Variants in EXPH5 observed in about 807,000 individuals in gnomAD.
EXPH5 encodes the protein exophilin 5.
A neutral mutation model predicts 41.1 loss-of-function variants in EXPH5; 42 were observed. That is an observed-to-expected ratio of 1.02 (90% confidence interval 0.80 to 1.32). The LOEUF (loss-of-function observed/expected upper bound fraction) is 1.32, where lower values mean the gene tolerates loss of function less well. EXPH5 is among the 40% of genes most tolerant of loss of function. EXPH5 has a pLI of 0.00. For synonymous variants in EXPH5, 798 were observed against 833.5 expected (o/e 0.96, Z 0.73); for missense variants, 2,298 against 2,314.5 (o/e 0.99, Z 0.15).
At chr11:108,605,419 C>T in the EXPH5 span, among the ~76,000 whole-genome samples, 19 of 152,280 alleles carry the variant, frequency 1.2e-4, no homozygotes, top group African/African-American at 4.3e-4. Flanking sequence ...TTGTTCTCAA[C>T]TGAAGCTGAT....
chr11:108,539,808 T>A (rs1456361482), intron 2 of EXPH5, among the ~76,000 whole-genome samples: 1 of 152,194 alleles, frequency 6.6e-6, no homozygotes, highest in Admixed American at 6.5e-5. Flanking sequence ...AAAATGCTCA[T>A]TGAAGCCTTT....
At chr11:108,552,670 C>G (rs767004671) in intron 1 of EXPH5, among the ~76,000 whole-genome samples, 21 of 152,154 alleles carry the variant, frequency 1.4e-4, no homozygotes, top group Non-Finnish European at 2.6e-4. Context: ...AATCCCAGAG[C>G]CTTTGGGAGG....
chr11:108,510,949 C>G lies in EXPH5; in HGVS notation c.4558G>C (p.Gly1520Arg), dbSNP rs748672486. The change falls in exon 6 of 6, where the codon GGT becomes CGT. Residue 1520 changes from glycine to arginine, a missense_variant. Transcript: ENST00000265843. ...GGTTCATCTGACTGAGTCTCCTCAC[C>G]AAGCTGTAGTTTATGCAATGCTGGA... ...LTPALHKLQLGEETQSDEPNL... is the reference protein window; with the variant it reads ...LTPALHKLQLREETQSDEPNL... The G allele has an allele frequency of 3.8e-5, 62 of 1,613,902 alleles. No individual in the cohort carries two copies. In the Admixed American group the frequency reaches 1.0e-3, roughly 27 times the overall value.
In EXPH5 at chr11:108,509,722, G is replaced by C. The variant is rs114567088; in HGVS notation, c.5785C>G (p.Pro1929Ala). The C allele has an allele frequency of 3.2e-4, 508 of 1,608,990 alleles. No individual in the cohort carries two copies. Among genetic ancestry groups the C allele is most frequent in the Middle Eastern group, 8.3e-4 (5 of 6,022 alleles). The change falls in exon 6 of 6, where the codon CCT becomes GCT. Residue 1929 changes from proline (P) to alanine (A), a missense_variant. Coordinates refer to ENST00000265843, the MANE Select transcript of EXPH5 (RefSeq NM_015065.3). ...CTTAATGACTCTGAGGGGTTGGGAG[G>C]GTTCCTCAAATCATCTTTTAGGAAG... ...PGFLKDDLRN[P>A]PNPSESLSSN...
the EXPH5 span, among the ~76,000 whole-genome samples, chr11:108,599,103 C>T: frequency 6.6e-6 from 1 of 152,204 alleles, no homozygotes. Context: ...TTCCTCCTCA[C>T]ACCTGGCTGG....
At chr11:108,556,111 A>G (rs112879896) in intron 1 of EXPH5, among the ~76,000 whole-genome samples, 7 of 152,322 alleles carry the variant, frequency 4.6e-5, no homozygotes, top group African/African-American at 1.7e-4. Flanking sequence ...CTGGCAGAAC[A>G]ATGGGTTTTT....
chr11:108,524,112 G>A (rs985843160), intron 4 of EXPH5, among the ~76,000 whole-genome samples: 1 of 151,222 alleles, frequency 6.6e-6, no homozygotes, highest in Non-Finnish European at 1.5e-5. Flanking sequence ...TGTAATATTA[G>A]GACTCAGAAA....
chr11:108,546,279 C>A (rs2093937822), intron 1 of EXPH5, among the ~76,000 whole-genome samples: 1 of 151,970 alleles, frequency 6.6e-6, no homozygotes, highest in Admixed American at 6.6e-5. Flanking sequence ...AGGGATAAGA[C>A]CCGTTGGATT....
chr11:108,574,021 C>G (rs1184214534), intron 1 of EXPH5, among the ~76,000 whole-genome samples: 1 of 151,990 alleles, frequency 6.6e-6, no homozygotes, highest in Non-Finnish European at 1.5e-5. Flanking sequence ...CCTGCCTCAG[C>G]CTCTGGAGTA....
intron 3 of EXPH5, among the ~76,000 whole-genome samples, chr11:108,533,181 T>C (rs866665036): frequency 1.3e-5 from 2 of 151,622 alleles, no homozygotes; most frequent in East Asian, 1.9e-4. Context: ...CCACATTCAT[T>C]TGTTAGGTTC....
At chr11:108,569,215 A>T (rs2094048666) in intron 1 of EXPH5, among the ~76,000 whole-genome samples, 2 of 152,078 alleles carry the variant, frequency 1.3e-5, no homozygotes, top group African/African-American at 4.8e-5. Flanking sequence ...CAGTTCAGGC[A>T]CCACCACCTC....
At chr11:108,517,845 G>A (rs532270935) in intron 5 of EXPH5, among the ~76,000 whole-genome samples, 6 of 151,672 alleles carry the variant, frequency 4.0e-5, no homozygotes, top group East Asian at 3.9e-4. Flanking sequence ...TGCAACCTCC[G>A]CCTCCCAGGT....
At chr11:108,596,674 A>C (rs2094139248), upstream of EXPH5, among the ~76,000 whole-genome samples, 1 of 152,224 alleles carries the variant, frequency 6.6e-6, no homozygotes, top group South Asian at 2.1e-4. Flanking sequence ...TAGCAAAGGA[A>C]GGATGAGGAG....
intron 1 of EXPH5, among the ~76,000 whole-genome samples, chr11:108,545,752 A>T (rs1171740687): frequency 6.6e-6 from 1 of 152,082 alleles, no homozygotes; most frequent in Non-Finnish European, 1.5e-5. Flanking sequence ...AAAATTTTAA[A>T]ATTAGCCAGG....
upstream of EXPH5, among the ~76,000 whole-genome samples, chr11:108,598,754 C>T (rs556400326): frequency 3.9e-5 from 6 of 152,028 alleles, no homozygotes; most frequent in Admixed American, 2.0e-4. Flanking sequence ...GTCTCTGGAC[C>T]GTGGTAAATA....
chr11:108,605,309 G>C, the EXPH5 span, among the ~76,000 whole-genome samples: 2 of 152,204 alleles, frequency 1.3e-5, no homozygotes, highest in African/African-American at 4.8e-5. Flanking sequence ...AGCAGTGCTG[G>C]CTTGGGGTCA....
At chr11:108,578,571 T>C (rs375549366) in intron 1 of EXPH5, among the ~76,000 whole-genome samples, 1 of 152,182 alleles carries the variant, frequency 6.6e-6, no homozygotes, top group African/African-American at 2.4e-5. Context: ...CTGTGAAGAA[T>C]TTCATTGATA....
intron 1 of EXPH5, chr11:108,568,175 T>TTGGTGGGG (rs71875609): frequency 9.7e-6 from 1 of 102,878 alleles, no homozygotes; most frequent in African/African-American, 4.6e-5. Flanking sequence ...TTACTTTTTT[T>TTGGTGGGG]GGGAGGGGGG....
intron 1 of EXPH5, among the ~76,000 whole-genome samples, chr11:108,543,388 T>A (rs937571438): frequency 1.5e-4 from 23 of 152,194 alleles, no homozygotes; most frequent in African/African-American, 5.5e-4. Context: ...CAGAGGGAGA[T>A]GTTCCTGGAT....
Sources: allele counts gnomAD v4.1 joint callset (sites outside exome capture counted in the v4.1 genomes callset), GRCh38; gene constraint gnomAD v4.1.1; transcripts MANE v1.5; gene names NCBI Gene and HGNC (gene_info 2026-07-23, HGNC 2026-07-21).